ZNF93: variants seen among roughly 807,000 people sequenced by gnomAD.
ZNF93 encodes zinc finger protein 93.
In ZNF93, 29 loss-of-function variants were observed where a neutral mutation model predicts 45.0. That is an observed-to-expected ratio of 0.64 (90% CI 0.48 to 0.88). ZNF93 has a LOEUF of 0.88. Ranked by LOEUF, ZNF93 falls within the 40% of genes least tolerant of loss-of-function variation. The pLI is 0.00. For synonymous variants in ZNF93, 223 were observed against 244.6 expected, an observed-to-expected ratio of 0.91 and a Z score of 0.82; for missense variants, 578 against 724.0, an observed-to-expected ratio of 0.80 and a Z score of 2.31.
chr19:19,902,030 G>A (rs1226918594), intron 1 of ZNF93, among the ~76,000 whole-genome samples: 1 of 152,112 alleles, frequency 6.6e-6, no homozygotes, highest in African/African-American at 2.4e-5. Flanking sequence ...GCGAGGTGCA[G>A]TGAGCCGAGA....
In ZNF93 at chr19:19,933,338, G is replaced by A. The variant is rs1320581748; in HGVS notation, c.383G>A (p.Gly128Glu). ...ESVDECKVHTGGYNGLNQCST... is the reference protein window; with the variant it reads ...ESVDECKVHTEGYNGLNQCST... The stretch of plus-strand genomic sequence containing the variant: ...GTAGATGAGTGTAAGGTGCACACAG[G>A]AGGTTATAATGGACTTAACCAGTGT... The change falls in exon 4 of 4, where the codon GGA (glycine) becomes GAA (glutamate). Residue 128 changes from glycine to glutamate, a missense_variant. Gly to Glu is a moderately conservative substitution (Grantham distance 98). Coordinates refer to ENST00000343769, the MANE Select transcript of ZNF93 (RefSeq NM_031218.4). 6 of 1,609,476 alleles carry A rather than the reference G, an allele frequency of 3.7e-6. No individual in the cohort carries two copies. Among genetic ancestry groups the A allele is most frequent in the Non-Finnish European group, 5.1e-6 (6 of 1,178,228 alleles).
At chr19:19,924,952 T>C (rs1340742695) in intron 3 of ZNF93, among the ~76,000 whole-genome samples, 1 of 152,186 alleles carries the variant, frequency 6.6e-6, no homozygotes, top group African/African-American at 2.4e-5. Flanking sequence ...GCAACTGAAA[T>C]TGAATCATTG....
rs139295797 is a variant in ZNF93, at chr19:19,901,508, C to T, written c.3+417C>T. ...AAATTTATGGGGCTGGGCAAGGTGG[C>T]TCACTCCTGTAATCGCAGCAGTTTG... On this transcript the variant is annotated intron_variant, in intron 1 of 3. Transcript: ENST00000343769. Among the ~76,000 whole-genome samples, 181 of 152,256 alleles carry T rather than the reference C, an allele frequency of 1.2e-3. 2 individuals carry two copies. Among genetic ancestry groups the T allele is most frequent in the East Asian group, 0.012 (60 of 5,170 alleles).
At chr19:19,932,163 C>T (rs2063376647) in intron 3 of ZNF93, 1 of 176,418 alleles carries the variant, frequency 5.7e-6, no homozygotes, top group South Asian at 9.2e-5. Context: ...GTACGAGCTA[C>T]TCAGGAGGTT....
intron 3 of ZNF93, among the ~76,000 whole-genome samples, chr19:19,922,098 T>A (rs987169367): frequency 1.3e-5 from 2 of 152,244 alleles, no homozygotes; most frequent in Non-Finnish European, 2.9e-5. Context: ...TTCCTTTCCA[T>A]GTTTAGTGCT....
At chr19:19,920,393 G>A (rs60765256) in intron 3 of ZNF93, among the ~76,000 whole-genome samples, 66,155 of 152,044 alleles carry the variant, frequency 0.44, 19,357 homozygotes, top group African/African-American at 0.82. Context: ...CATCAGGGAT[G>A]TTGGTCTAAA....
chr19:19,929,847 A>T (rs1316932162), intron 3 of ZNF93, among the ~76,000 whole-genome samples: 19 of 144,456 alleles, frequency 1.3e-4, no homozygotes, highest in African/African-American at 4.8e-4. Flanking sequence ...CTGAGGCAGG[A>T]GAATGGCGTG....
At chr19:19,924,391 G>A (rs954607330) in intron 3 of ZNF93, among the ~76,000 whole-genome samples, 2 of 151,628 alleles carry the variant, frequency 1.3e-5, no homozygotes, top group African/African-American at 2.4e-5. Context: ...GCACCCAGCC[G>A]GATTTTTTTT....
chr19:19,919,156 C>G (rs2063334575), intron 3 of ZNF93, among the ~76,000 whole-genome samples: 1 of 152,198 alleles, frequency 6.6e-6, no homozygotes, highest in Admixed American at 6.5e-5. Context: ...GATCCAGTTC[C>G]AGCTTTCTAC....
chr19:19,903,581 C>G (rs1240300808), intron 1 of ZNF93, among the ~76,000 whole-genome samples: 1 of 152,088 alleles, frequency 6.6e-6, no homozygotes, highest in African/African-American at 2.4e-5. Context: ...TCCTGGCCAA[C>G]GTGGTGAAAC....
chr19:19,922,609 T>A (rs955574064), intron 3 of ZNF93, among the ~76,000 whole-genome samples: 3 of 152,182 alleles, frequency 2.0e-5, no homozygotes, highest in Non-Finnish European at 4.4e-5. Context: ...TCACATAGTC[T>A]CATATTTCTT....
intron 3 of ZNF93, among the ~76,000 whole-genome samples, chr19:19,924,822 C>T (rs1172890894): frequency 6.6e-6 from 1 of 151,878 alleles, no homozygotes; most frequent in African/African-American, 2.4e-5. Flanking sequence ...AACTCCTGAC[C>T]TCAGGTGATC....
In ZNF93 at chr19:19,908,362, CTT is replaced by C. The variant is rs2063298520; in HGVS notation, c.4-6916_4-6915del. 3.3e-5 allele frequency: 5 copies of C among 152,240 alleles called. No homozygotes were observed. The South Asian group carries it at 8.3e-4, about 25-fold the overall frequency. The allele number at this position is 152,240 out of a possible 1,614,324, so 9.4% of individuals were successfully genotyped here. ...GACTGCAGCAGAGATGGAAAAGAAA[CTT>C]TATAAAATTTTTCTGAAAATCTGCC... On this transcript the variant is annotated intron_variant, in intron 1 of 3. Coordinates refer to ENST00000343769, the MANE Select transcript of ZNF93 (RefSeq NM_031218.4).
At position 19,901,273 on chromosome 19, in the gene ZNF93, C is replaced by G. The variant is rs550116955; in HGVS notation, c.3+182C>G. On this transcript the variant is annotated intron_variant, in intron 1 of 3. Transcript: ENST00000343769. ...TGGCGGCTGCGCTTATAGCGCAGCC[C>G]CCAGGCGTCCTGTCTCTTCACTGTG... 1.3e-5 allele frequency among the ~76,000 whole-genome samples: 2 copies of G among 152,076 alleles called. 1 individual carries two copies. The highest frequency in any genetic ancestry group is 4.1e-4 in the South Asian group (2 of 4,828).
Position 19,933,944 on chromosome 19 carries a change from C to T in ZNF93, c.989C>T (p.Thr330Ile), listed in dbSNP as rs759976359. The change falls in exon 4 of 4, where the codon ACA becomes ATA. Residue 330 changes from threonine (T) to isoleucine (I), a missense_variant. Coordinates refer to ENST00000343769, the MANE Select transcript of ZNF93 (RefSeq NM_031218.4). ...KAFKYSRILT[T>I]HKRIHTGEKP... The stretch of plus-strand genomic sequence containing the variant: ...TTTAAGTACTCCCGTATCCTTACTA[C>T]ACATAAGAGAATTCATACTGGAGAG... 1.2e-5 allele frequency: 19 copies of T among 1,610,760 alleles called. No homozygotes were observed. The highest frequency in any genetic ancestry group is 1.6e-5 in the Non-Finnish European group (19 of 1,178,894).
chr19:19,919,651 C>T (rs1182803813), intron 3 of ZNF93, among the ~76,000 whole-genome samples: 1 of 152,116 alleles, frequency 6.6e-6, no homozygotes, highest in African/African-American at 2.4e-5. Context: ...TGTAGTTCTC[C>T]TTGAAAAGAT....
intron 1 of ZNF93, among the ~76,000 whole-genome samples, chr19:19,903,293 A>AT (rs1219492722): frequency 1.3e-5 from 2 of 152,156 alleles, no homozygotes; most frequent in African/African-American, 4.8e-5. Flanking sequence ...AAAAAGTCAG[A>AT]TTTTACATCA....
intron 1 of ZNF93, 65 bp downstream of exon 1, chr19:19,901,156 C>T (rs770247149): frequency 6.2e-7 from 1 of 1,609,052 alleles, no homozygotes. Flanking sequence ...TGGAAAGTGA[C>T]GGTGGCGGGA....
At chr19:19,911,059 CAAAGT>C (rs2063306265) in intron 1 of ZNF93, among the ~76,000 whole-genome samples, 1 of 152,142 alleles carries the variant, frequency 6.6e-6, no homozygotes, top group South Asian at 2.1e-4. Context: ...ATCGGGGCCA[CAAAGT>C]ATCCAGAGCC....
Sources: allele counts gnomAD v4.1 joint callset (sites outside exome capture counted in the v4.1 genomes callset), GRCh38; gene constraint gnomAD v4.1.1; transcripts MANE v1.5; gene names NCBI Gene and HGNC (gene_info 2026-07-23, HGNC 2026-07-21).